Variants in TNRC6B observed in about 807,000 individuals in gnomAD.
TNRC6B encodes the protein trinucleotide repeat-containing gene 6B protein.
A neutral mutation model predicts 203.6 loss-of-function variants in TNRC6B; 52 were observed. The observed-to-expected ratio is 0.26, with a 90% CI of 0.20 to 0.32. The LOEUF is 0.32. Among genes scored for constraint, TNRC6B ranks in the 10% least tolerant of loss-of-function variants. The pLI, the probability that TNRC6B is intolerant of heterozygous loss-of-function variation, is 1.00. For synonymous variants in TNRC6B, 838 were observed against 845.7 expected (o/e 0.99, Z 0.16); for missense variants, 1,923 against 2,286.2 (o/e 0.84, Z 3.24).
chr22:40,220,108 G>A (rs138027), intron 1 of TNRC6B, among the ~76,000 whole-genome samples: 93,434 of 152,088 alleles, frequency 0.61, 33,371 homozygotes, highest in East Asian at 0.99. Context: ...GCGGTAGTAG[G>A]TGGGGGTGGA....
intron 1 of TNRC6B, among the ~76,000 whole-genome samples, chr22:40,086,898 A>G (rs570385390): frequency 6.6e-6 from 1 of 152,344 alleles, no homozygotes; most frequent in South Asian, 2.1e-4. Flanking sequence ...CCAGCTACAT[A>G]AAAACCAGGC....
At chr22:40,188,075 GCT>G (rs1417048006) in intron 1 of TNRC6B, among the ~76,000 whole-genome samples, 1 of 152,100 alleles carries the variant, frequency 6.6e-6, no homozygotes, top group Non-Finnish European at 1.5e-5. Flanking sequence ...CAAAAAATTA[GCT>G]GGGCGCCTGT....
In TNRC6B at chr22:40,300,168, A is replaced by G. The variant is rs561308350; in HGVS notation, c.3709-287A>G. Among the ~76,000 whole-genome samples, 52 of 152,294 alleles carry G rather than the reference A, an allele frequency of 3.4e-4. 1 individual carries two copies. The highest frequency in any genetic ancestry group is 1.1e-3 in the African/African-American group (45 of 41,576). On this transcript the variant is annotated intron_variant, in intron 12 of 22. Transcript: ENST00000454349. ...TTGGTTGGATAAAAGCCATATTGTC[A>G]TCAATTTTTTTTTCTTGAAGATGTT...
chr22:40,215,852 G>A (rs1368344318), intron 1 of TNRC6B, among the ~76,000 whole-genome samples: 1 of 152,228 alleles, frequency 6.6e-6, no homozygotes, highest in Non-Finnish European at 1.5e-5. Flanking sequence ...AGAGCCACCA[G>A]CTCAGCATGG....
intron 1 of TNRC6B, among the ~76,000 whole-genome samples, chr22:40,197,702 C>G (rs1461680802): frequency 6.6e-6 from 1 of 150,944 alleles, no homozygotes; most frequent in Non-Finnish European, 1.5e-5. Flanking sequence ...CTTCTGGGCT[C>G]AAGCTGAGAT....
In TNRC6B at chr22:40,265,571, G is replaced by C; in HGVS notation, c.1341G>C (p.Gly447=). 6.2e-7 allele frequency: 1 copy of C among 1,613,758 alleles called. No individual in the cohort carries two copies. Among genetic ancestry groups the C allele is most frequent in the Non-Finnish European group, 8.5e-7 (1 of 1,179,820 alleles). The part of the protein sequence containing the change: ...VSGQSNSGNN[G]NNGKEREDSW... Reference sequence around the variant, plus strand: ...GACAAAGCAATTCTGGAAACAATGGGAACAATGGAAAAGAGAGAGAGGACT... The same window carrying C: ...GACAAAGCAATTCTGGAAACAATGGCAACAATGGAAAAGAGAGAGAGGACT... Residue 447 remains glycine (G), a synonymous_variant, in exon 5 of 23, where the codon GGG becomes GGC. Coordinates refer to ENST00000454349, the MANE Select transcript of TNRC6B (RefSeq NM_001162501.2).
chr22:40,141,817 C>T (rs2068646888), intron 3 of TNRC6B, among the ~76,000 whole-genome samples: 1 of 152,048 alleles, frequency 6.6e-6, no homozygotes, highest in East Asian at 1.9e-4. Flanking sequence ...CTCTGTCACC[C>T]AGGTTGGAGT....
chr22:40,197,852 T>A (rs956394610), intron 1 of TNRC6B, among the ~76,000 whole-genome samples: 1 of 151,904 alleles, frequency 6.6e-6, no homozygotes, highest in Non-Finnish European at 1.5e-5. Flanking sequence ...GCTCAAGTGA[T>A]TCTCCCACCT....
chr22:40,109,004 G>T (rs556762530), intron 1 of TNRC6B, among the ~76,000 whole-genome samples: 2 of 138,142 alleles, frequency 1.4e-5, no homozygotes, highest in African/African-American at 2.7e-5. Flanking sequence ...TCATTGTTCA[G>T]CTCCTAATTA....
chr22:40,307,210 G>A (rs1451903062), intron 15 of TNRC6B, among the ~76,000 whole-genome samples: 1 of 152,128 alleles, frequency 6.6e-6, no homozygotes, highest in Non-Finnish European at 1.5e-5. Flanking sequence ...AGACAACTAG[G>A]ATAAGCACAG....
rs927116141 is a variant in TNRC6B, at chr22:40,172,698, A to C, written c.113+16516A>C. 5.9e-5 allele frequency among the ~76,000 whole-genome samples: 9 copies of C among 152,368 alleles called. No homozygotes were observed. In the East Asian group the frequency reaches 1.2e-3, roughly 20 times the overall value. On this transcript the variant is annotated intron_variant, in intron 4 of 23. Coordinates refer to the TNRC6B transcript ENST00000301923. ...GTTATCCTCATGGAAGAAAGTAGGA[A>C]GCTTTTCCTTTTATCCTTACACCTC...
At chr22:40,308,787 A>G in intron 16 of TNRC6B, 138 bp downstream of exon 16, 2 of 1,038,000 alleles carry the variant, frequency 1.9e-6, no homozygotes, top group Non-Finnish European at 2.7e-6. Flanking sequence ...GGAAGGTCAG[A>G]GTCATGTGTA....
At position 40,265,696 on chromosome 22, in the gene TNRC6B, A is replaced by G. The variant is rs769670762; in HGVS notation, c.1466A>G (p.Gln489Arg). Reference protein sequence around the residue: ...STGGSWNFGPQDSNDNKWGEG... With the variant: ...STGGSWNFGPRDSNDNKWGEG... ...GGTGGGTCCTGGAACTTTGGCCCCC[A>G]GGACTCTAATGACAACAAATGGGGT... Residue 489 changes from glutamine to arginine, a missense_variant, in exon 5 of 23, where the codon CAG becomes CGG. Around this residue, in one of 8 missense-constraint regions of TNRC6B, gnomAD observed 614 missense variants for 587.7 expected, o/e 1.04. Transcript: ENST00000454349. The G allele has an allele frequency of 3.1e-6, 5 of 1,613,894 alleles. No homozygotes were observed. The highest frequency in any genetic ancestry group is 2.7e-5 in the African/African-American group (2 of 74,938).
intron 4 of TNRC6B, among the ~76,000 whole-genome samples, chr22:40,157,664 A>C (rs2068829620): frequency 6.6e-6 from 1 of 152,234 alleles, no homozygotes; most frequent in Non-Finnish European, 1.5e-5. Flanking sequence ...AATGCCAGAC[A>C]TCTAGTCCCA....
chr22:40,321,298 C>A, intron 22 of TNRC6B, 69 bp downstream of exon 22: 1 of 1,548,630 alleles, frequency 6.5e-7, no homozygotes, highest in Non-Finnish European at 8.8e-7. Context: ...ATTCTGGCAG[C>A]TGCTGAATTA....
intron 1 of TNRC6B, among the ~76,000 whole-genome samples, chr22:40,082,555 A>C (rs551100210): frequency 6.6e-6 from 1 of 152,228 alleles, no homozygotes; most frequent in Non-Finnish European, 1.5e-5. Context: ...TTCCTTTTAC[A>C]GTATGATGCT....
At chr22:40,050,820 G>C (rs80037142) in intron 1 of TNRC6B, among the ~76,000 whole-genome samples, 3 of 147,488 alleles carry the variant, frequency 2.0e-5, no homozygotes, top group Non-Finnish European at 3.0e-5. Context: ...TAGTTTTTTT[G>C]TTTTTGGGTT....
At chr22:40,198,760 T>G (rs1027424664) in intron 1 of TNRC6B, among the ~76,000 whole-genome samples, 3 of 152,014 alleles carry the variant, frequency 2.0e-5, no homozygotes, top group Non-Finnish European at 4.4e-5. Flanking sequence ...AAAATAGCAA[T>G]AAAATCTTTG....
chr22:40,169,914 T>A (rs140413192), intron 4 of TNRC6B, among the ~76,000 whole-genome samples: 16 of 152,286 alleles, frequency 1.1e-4, no homozygotes, highest in South Asian at 2.1e-4. Context: ...AAAGAATTTT[T>A]CATAATTCTC....
Sources: allele counts gnomAD v4.1 joint callset (sites outside exome capture counted in the v4.1 genomes callset), GRCh38; gene constraint gnomAD v4.1.1; regional missense constraint gnomAD v4.1.1; transcripts MANE v1.5; gene names NCBI Gene and HGNC (gene_info 2026-07-23, HGNC 2026-07-21).